ARFGEF2: variants seen among roughly 807,000 people sequenced by gnomAD.
ARFGEF2 encodes the protein ARF guanine nucleotide exchange factor 2.
ARFGEF2 carries 74 observed loss-of-function variants against 219.9 expected under a neutral mutation model. The observed-to-expected ratio is 0.34, with a 90% CI of 0.28 to 0.41. The LOEUF is 0.41. ARFGEF2 is among the 10% of genes least tolerant of loss of function. The pLI, the probability that ARFGEF2 is intolerant of heterozygous loss-of-function variation, is 1.00. For synonymous variants in ARFGEF2, 733 were observed against 799.2 expected, an observed-to-expected ratio of 0.92 and a Z score of 1.40; for missense variants, 1,743 against 2,218.3, an observed-to-expected ratio of 0.79 and a Z score of 4.30.
intron 23 of ARFGEF2, 89 bp from the exon 24 acceptor site, chr20:48,998,104 C>A (rs2091403083): frequency 8.3e-7 from 1 of 1,206,514 alleles, no homozygotes; most frequent in Non-Finnish European, 1.2e-6. Context: ...AAGTGATACA[C>A]CCTCCTCGGC....
intron 11 of ARFGEF2, 70 bp downstream of exon 11, chr20:48,972,495 C>A: frequency 1.8e-6 from 2 of 1,140,626 alleles, no homozygotes; most frequent in Non-Finnish European, 2.7e-6. Flanking sequence ...CAGATTAAGA[C>A]TTCTAACCCC....
At chr20:48,948,929 G>C (rs147984011) in intron 3 of ARFGEF2, among the ~76,000 whole-genome samples, 2 of 152,370 alleles carry the variant, frequency 1.3e-5, no homozygotes, top group Non-Finnish European at 2.9e-5. Flanking sequence ...GTAGGTCCCA[G>C]TTAGGACTTT....
intron 23 of ARFGEF2, among the ~76,000 whole-genome samples, chr20:48,996,158 A>G (rs1321267163): frequency 6.6e-6 from 1 of 152,188 alleles, no homozygotes; most frequent in Non-Finnish European, 1.5e-5. Context: ...AAAAATCACA[A>G]GAAGAGTTTA....
At chr20:49,013,736 T>A (rs757968263) in intron 29 of ARFGEF2, 42 bp downstream of exon 29, 1 of 1,613,988 alleles carries the variant, frequency 6.2e-7, no homozygotes, top group South Asian at 1.1e-5. Flanking sequence ...ATCACTGAAA[T>A]GAACCTCAGT....
intron 1 of ARFGEF2, among the ~76,000 whole-genome samples, chr20:48,934,119 CAAAAAAA>C (rs11476863): frequency 8.5e-4 from 48 of 56,156 alleles, no homozygotes; most frequent in African/African-American, 3.3e-3. Flanking sequence ...GACTTCATCT[CAAAAAAA>C]AAAAAAAAAA....
At chr20:48,971,033 T>A (rs1479008713) in intron 9 of ARFGEF2, 87 bp from the exon 10 acceptor site, 1 of 1,082,360 alleles carries the variant, frequency 9.2e-7, no homozygotes. Flanking sequence ...TTCTACTCAT[T>A]GGTAAAGGAG....
At chr20:48,935,562 A>G (rs1052360885) in intron 1 of ARFGEF2, among the ~76,000 whole-genome samples, 1 of 152,000 alleles carries the variant, frequency 6.6e-6, no homozygotes, top group Non-Finnish European at 1.5e-5. Context: ...TTTCTATTCC[A>G]CAAAACCGCC....
chr20:48,961,735 A>G (rs1039154669), intron 6 of ARFGEF2, among the ~76,000 whole-genome samples: 7 of 152,082 alleles, frequency 4.6e-5, no homozygotes, highest in African/African-American at 1.7e-4. Context: ...GTGGTGGCAG[A>G]CGCCTATAAT....
At chr20:48,971,471 T>TTAG in intron 10 of ARFGEF2, 117 bp downstream of exon 10, 1 of 948,378 alleles carries the variant, frequency 1.1e-6, no homozygotes, top group Non-Finnish European at 1.6e-6. Context: ...AAATGGTTCA[T>TTAG]GAAAATGTTT....
In ARFGEF2 at chr20:49,017,492, T is replaced by C. The variant is rs368573476; in HGVS notation, c.4455-4T>C. On this transcript the variant is annotated splice_region_variant and splice_polypyrimidine_tract_variant and intron_variant, in intron 32 of 38. Coordinates refer to ENST00000371917, the MANE Select transcript of ARFGEF2 (RefSeq NM_006420.3). The stretch of plus-strand genomic sequence containing the variant: ...TTATTTTTTTTCTCTATTTTTTTCT[T>C]CAGTTTGCTGACATGGAGACCTGTA... 1.5e-5 allele frequency: 24 copies of C among 1,613,630 alleles called. No individual in the cohort carries two copies. Among genetic ancestry groups the C allele is most frequent in the Non-Finnish European group, 1.9e-5 (23 of 1,179,840 alleles).
At chr20:49,009,549 C>A (rs2091483199) in intron 26 of ARFGEF2, among the ~76,000 whole-genome samples, 3 of 152,068 alleles carry the variant, frequency 2.0e-5, no homozygotes, top group African/African-American at 7.2e-5. Flanking sequence ...ATATAGCTTT[C>A]CTTCTTGCTA....
In ARFGEF2 at chr20:48,972,315, A is replaced by C; in HGVS notation, c.1426-11A>C. On this transcript the variant is annotated splice_polypyrimidine_tract_variant and intron_variant, in intron 10 of 38. Coordinates refer to ENST00000371917, the MANE Select transcript of ARFGEF2 (RefSeq NM_006420.3). The stretch of plus-strand genomic sequence containing the variant: ...TTAATTAGTGTCCTCCTTTGTCTTT[A>C]TGTCATATAGGTCTTTTTCAAAGAG... 1 of 1,590,964 alleles carries C rather than the reference A, an allele frequency of 6.3e-7. No individual in the cohort carries two copies. Among genetic ancestry groups the C allele is most frequent in the Non-Finnish European group, 8.6e-7 (1 of 1,158,934 alleles).
In ARFGEF2 at chr20:48,989,588, C is replaced by G; in HGVS notation, c.2718C>G (p.Ser906Arg). The part of the protein sequence containing the change: ...LVWTPLLAAY[S>R]IGLQNCDDTE... ...GGACGCCACTATTGGCAGCCTACAG[C>G]ATCGGACTCCAGAACTGTGATGACA... is the stretch of plus-strand genomic sequence containing the variant. Residue 906 changes from serine (S) to arginine (R), a missense_variant, in exon 20 of 39, where the codon AGC becomes AGG. By Grantham distance (110) the Ser-to-Arg change is moderately radical. Around this residue, in one of 5 missense-constraint regions of ARFGEF2, gnomAD observed 666 missense variants for 955.4 expected, o/e 0.70. Coordinates refer to ENST00000371917, the MANE Select transcript of ARFGEF2 (RefSeq NM_006420.3). 2 of 1,614,234 alleles carry G rather than the reference C, an allele frequency of 1.2e-6. No individual in the cohort carries two copies. The highest frequency in any genetic ancestry group is 1.7e-6 in the Non-Finnish European group (2 of 1,180,046).
chr20:48,971,033 T>C (rs1479008713), intron 9 of ARFGEF2, 87 bp from the exon 10 acceptor site: 2 of 1,082,242 alleles, frequency 1.8e-6, no homozygotes, highest in South Asian at 1.3e-5. Flanking sequence ...TTCTACTCAT[T>C]GGTAAAGGAG....
chr20:49,005,437 G>A (rs1172954729), intron 26 of ARFGEF2, among the ~76,000 whole-genome samples: 1 of 152,086 alleles, frequency 6.6e-6, no homozygotes, highest in Non-Finnish European at 1.5e-5. Context: ...CCTGCAACTT[G>A]TAGAAATATG....
chr20:49,029,868 C>T (rs2091623586), intron 37 of ARFGEF2, among the ~76,000 whole-genome samples: 1 of 146,458 alleles, frequency 6.8e-6, no homozygotes, highest in Admixed American at 7.0e-5. Context: ...GCTGGGATTA[C>T]AGGCATGAGC....
chr20:49,007,776 TGG>T (rs1241572499), intron 26 of ARFGEF2, among the ~76,000 whole-genome samples: 2 of 152,112 alleles, frequency 1.3e-5, no homozygotes, highest in Non-Finnish European at 2.9e-5. Flanking sequence ...ACCCAGAGTC[TGG>T]CATCACCCTT....
At chr20:49,009,229 C>A (rs1278094440) in intron 26 of ARFGEF2, among the ~76,000 whole-genome samples, 1 of 152,128 alleles carries the variant, frequency 6.6e-6, no homozygotes, top group Non-Finnish European at 1.5e-5. Context: ...GACATGTTTA[C>A]TTTGTGAACT....
intron 1 of ARFGEF2, among the ~76,000 whole-genome samples, chr20:48,931,774 T>C (rs1386194382): frequency 6.6e-6 from 1 of 151,884 alleles, no homozygotes; most frequent in East Asian, 1.9e-4. Context: ...GCCAGGGTGG[T>C]AGAAGGTGAG....
Sources: allele counts gnomAD v4.1 joint callset (sites outside exome capture counted in the v4.1 genomes callset), GRCh38; gene constraint gnomAD v4.1.1; regional missense constraint gnomAD v4.1.1; transcripts MANE v1.5; gene names NCBI Gene and HGNC (gene_info 2026-07-23, HGNC 2026-07-21).